PPP1R37: variants seen among roughly 807,000 people sequenced by gnomAD.
PPP1R37 encodes protein phosphatase 1 regulatory subunit 37.
PPP1R37 carries 21 observed loss-of-function variants against 61.0 expected under a neutral mutation model. That is an observed-to-expected ratio of 0.34 (90% CI 0.24 to 0.50). PPP1R37 has a LOEUF of 0.50. Ranked by LOEUF, PPP1R37 falls within the 20% of genes least tolerant of loss-of-function variation. The probability of loss-of-function intolerance (pLI) is 0.98; values close to 1 mark genes in which losing one functional copy is unlikely to be tolerated. For missense variants in PPP1R37, 910 were observed against 952.7 expected, an observed-to-expected ratio of 0.96 and a Z score of 0.59; for synonymous variants, 443 against 433.5, an observed-to-expected ratio of 1.02 and a Z score of -0.27.
intron 1 of PPP1R37, among the ~76,000 whole-genome samples, chr19:45,102,611 G>A (rs571437251): frequency 6.6e-6 from 1 of 152,354 alleles, no homozygotes; most frequent in East Asian, 1.9e-4. Flanking sequence ...TAGATGACCA[G>A]CGGGTAGGAT....
Position 45,145,362 on chromosome 19 carries a change from T to TA in PPP1R37, c.1306_1307insA (p.Phe436TyrfsTer41). ...GGCGCTCCCGCCACAGGTGAAGAGC[T>TA]TCATCGAGACGCAGAAGGCGCTGCT... On this transcript the variant is annotated frameshift_variant, in exon 11 of 13. Coordinates refer to ENST00000221462, the MANE Select transcript of PPP1R37 (RefSeq NM_019121.2). LOFTEE classifies it high-confidence loss of function. 1 of 1,534,620 alleles carries TA rather than the reference T, an allele frequency of 6.5e-7. No individual in the cohort carries two copies. Among genetic ancestry groups the TA allele is most frequent in the Non-Finnish European group, 8.7e-7 (1 of 1,146,220 alleles).
In PPP1R37 at chr19:45,145,873, C is replaced by T. The variant is rs1968690655; in HGVS notation, c.1817C>T (p.Pro606Leu). The T allele has an allele frequency of 6.5e-7, 1 of 1,531,910 alleles. No individual in the cohort carries two copies. The highest frequency in any genetic ancestry group is 1.4e-5 in the African/African-American group (1 of 72,616). The allele number at this position is 1,531,910 out of a possible 1,614,324, so 94.9% of individuals were successfully genotyped here. A position where few individuals can be genotyped will look rare whatever the true frequency, so the allele number is the denominator to read the frequency against. ...PSPPASPSLP[P>L]AGAIDTRDTG... is the part of the protein sequence containing the mutation. ...CCACCCGCCTCACCTTCCCTACCAC[C>T]AGCCGGGGCCATTGACACCCGGGAC... Residue 606 changes from proline (P) to leucine (L), a missense_variant, in exon 11 of 13, where the codon CCA becomes CTA. Physicochemically the swap from Pro to Leu is moderately conservative, Grantham distance 98. Around this residue, in one of 3 missense-constraint regions of PPP1R37, gnomAD observed 549 missense variants for 505.1 expected, o/e 1.09. Transcript: ENST00000221462.
intron 1 of PPP1R37, chr19:45,135,864 CCT>C (rs543559471): frequency 6.7e-6 from 1 of 148,580 alleles, no homozygotes; most frequent in Non-Finnish European, 1.5e-5. Context: ...CTCACTGTAA[CCT>C]CTGCCTCCCA....
chr19:45,130,554 C>T lies in PPP1R37; in HGVS notation c.203-7960C>T, dbSNP rs1968463891. Among the ~76,000 whole-genome samples, 1 of 152,276 alleles carries T rather than the reference C, an allele frequency of 6.6e-6. No individual in the cohort carries two copies. The highest frequency in any genetic ancestry group is 2.4e-5 in the African/African-American group (1 of 41,554). On this transcript the variant is annotated intron_variant, in intron 1 of 12. Transcript: ENST00000221462. This position sits in a 1 kb window ranked among gnomAD's most constrained non-coding sequence, Gnocchi z 4.4. Reference sequence around the variant, plus strand: ...CCTGAATGAAGACCCAGACCTGAGCCCGGTGGGGCCTCTGGGAACACTCCT... The same window carrying T: ...CCTGAATGAAGACCCAGACCTGAGCTCGGTGGGGCCTCTGGGAACACTCCT...
chr19:45,128,625 A>G lies in PPP1R37; in HGVS notation c.203-9889A>G, dbSNP rs562300603. The G allele has an allele frequency of 1.7e-4, 211 of 1,264,438 alleles. 1 individual carries two copies. The South Asian group carries it at 2.4e-3, about 14-fold the overall frequency. 78.3% of individuals were successfully genotyped at this position (1,264,438 alleles called of 1,614,324 possible). The stretch of plus-strand genomic sequence containing the variant: ...TGCAGGGGCCTCGGCCTCCTTCCCA[A>G]TGCAGTGCTCAGCATTATGTAACAC... On this transcript the variant is annotated intron_variant, in intron 1 of 12. Coordinates refer to ENST00000221462, the MANE Select transcript of PPP1R37 (RefSeq NM_019121.2).
intron 1 of PPP1R37, among the ~76,000 whole-genome samples, chr19:45,111,812 A>G (rs1023394346): frequency 6.6e-6 from 1 of 152,094 alleles, no homozygotes. Flanking sequence ...CAGGTGTGTC[A>G]GGTTCAATAA....
chr19:45,093,667 G>C, intron 1 of PPP1R37, 140 bp downstream of exon 1: 1 of 585,456 alleles, frequency 1.7e-6, no homozygotes, highest in Non-Finnish European at 2.8e-6. Flanking sequence ...GTTTAGAACC[G>C]TAGTCTGTTA....
At chr19:45,138,680 A>G in intron 2 of PPP1R37, 69 bp downstream of exon 2, 1 of 1,124,642 alleles carries the variant, frequency 8.9e-7, no homozygotes, top group Non-Finnish European at 1.3e-6. Flanking sequence ...GAACCAGCCC[A>G]GCAGGAGAGG....
intron 1 of PPP1R37, among the ~76,000 whole-genome samples, chr19:45,127,434 GGCTCCACACCTGCACAGCATGTGGCTGT>G (rs1358196199): frequency 1.3e-5 from 2 of 151,826 alleles, no homozygotes; most frequent in African/African-American, 2.4e-5. Flanking sequence ...AGTGCTCTTG[GGCTCCACACCTGCACAGCATGTGGCTGT>G]GCTGAGTACC....
chr19:45,146,160 G>C lies in PPP1R37; in HGVS notation c.1993+111G>C, dbSNP rs372768886. On this transcript the variant is annotated intron_variant, in intron 11 of 12. Transcript: ENST00000221462. ...TTTCCCCCTCTTTAAAATGGTTCTC[G>C]CAGGGGCCAGCAAAGTGGGGCTTAG... 366 of 1,220,146 alleles carry C rather than the reference G, an allele frequency of 3.0e-4. 3 individuals are homozygous for C. The South Asian group carries it at 5.4e-3, about 18-fold the overall frequency. 75.6% of individuals were successfully genotyped at this position (1,220,146 alleles called of 1,614,324 possible).
chr19:45,144,596 T>G (rs13344688), intron 8 of PPP1R37: 18 of 488,818 alleles, frequency 3.7e-5, no homozygotes, highest in Non-Finnish European at 5.4e-5. Flanking sequence ...GGGCCCAGGC[T>G]GTGGGGGGTA....
rs1968608546 is a variant in PPP1R37 at position 45,141,314 on chromosome 19, A to G, written c.448-8A>G. The G allele has an allele frequency of 2.0e-6, 3 of 1,533,140 alleles. No homozygotes were observed. Among genetic ancestry groups the G allele is most frequent in the South Asian group, 1.2e-5 (1 of 83,840 alleles). 95.0% of individuals were successfully genotyped at this position (1,533,140 alleles called of 1,614,324 possible). ...GCTGAGGCTGAGCCCCCGAATCTCT[A>G]TGCGCAGGGTGCCTCGGCCCTCTTC... On this transcript the variant is annotated splice_region_variant and splice_polypyrimidine_tract_variant and intron_variant, in intron 4 of 12. Coordinates refer to ENST00000221462, the MANE Select transcript of PPP1R37 (RefSeq NM_019121.2).
chr19:45,097,379 G>A (rs889588956), intron 1 of PPP1R37, among the ~76,000 whole-genome samples: 2 of 151,952 alleles, frequency 1.3e-5, no homozygotes, highest in South Asian at 2.1e-4. Flanking sequence ...GAGATGGAGC[G>A]CTGCCTAGGC....
intron 1 of PPP1R37, among the ~76,000 whole-genome samples, chr19:45,096,451 T>G (rs1967994659): frequency 6.6e-6 from 1 of 152,218 alleles, no homozygotes; most frequent in Non-Finnish European, 1.5e-5. Context: ...GGTGCTAATT[T>G]TTACCATGGG....
At chr19:45,123,756 A>G (rs567557582) in intron 1 of PPP1R37, among the ~76,000 whole-genome samples, 1 of 152,346 alleles carries the variant, frequency 6.6e-6, no homozygotes, top group Non-Finnish European at 1.5e-5. Context: ...GCTTTAGGGC[A>G]TGTTTTAGAA....
chr19:45,116,542 AC>A (rs965284857), intron 1 of PPP1R37, among the ~76,000 whole-genome samples: 2 of 152,222 alleles, frequency 1.3e-5, no homozygotes, highest in African/African-American at 4.8e-5. Context: ...TGAGGAGGGC[AC>A]GGGGGTCTGA....
At chr19:45,126,180 G>C (rs1240828968) in intron 1 of PPP1R37, among the ~76,000 whole-genome samples, 2 of 152,242 alleles carry the variant, frequency 1.3e-5, no homozygotes, top group Admixed American at 1.3e-4. Flanking sequence ...TCCCAACTGG[G>C]ACCTTCCCTG....
chr19:45,101,850 G>A (rs539881514), intron 1 of PPP1R37, among the ~76,000 whole-genome samples: 3 of 152,356 alleles, frequency 2.0e-5, no homozygotes, highest in South Asian at 4.1e-4. Context: ...TAGGCTTGGC[G>A]TAGCCTCATA....
intron 1 of PPP1R37, among the ~76,000 whole-genome samples, chr19:45,115,914 C>T (rs914346234): frequency 2.0e-4 from 31 of 151,310 alleles, no homozygotes; most frequent in African/African-American, 6.6e-4. Flanking sequence ...GCGGAAGTTG[C>T]AGTGAGCTGA....
Sources: allele counts gnomAD v4.1 joint callset (sites outside exome capture counted in the v4.1 genomes callset), GRCh38; gene constraint gnomAD v4.1.1; regional missense constraint gnomAD v4.1.1; non-coding constraint Gnocchi (gnomAD v3.1); transcripts MANE v1.5; gene names NCBI Gene and HGNC (gene_info 2026-07-23, HGNC 2026-07-21).